Variants in OPHN1 observed in about 807,000 individuals in gnomAD.
OPHN1 encodes oligophrenin-1.
OPHN1 carries 11 observed loss-of-function variants against 60.7 expected under a neutral mutation model. The observed-to-expected ratio is 0.18, with a 90% confidence interval of 0.11 to 0.30. The LOEUF is 0.30. Ranked by LOEUF, OPHN1 falls within the 10% of genes least tolerant of loss-of-function variation. The probability of loss-of-function intolerance (pLI) is 1.00; values close to 1 mark genes in which losing one functional copy is unlikely to be tolerated. For missense variants in OPHN1, 449 were observed against 611.0 expected, an observed-to-expected ratio of 0.73 and a Z score of 2.80; for synonymous variants, 226 against 222.6, an observed-to-expected ratio of 1.02 and a Z score of -0.14.
chrX:68,057,776 T>G (rs1212952291), intron 21 of OPHN1, among the ~76,000 whole-genome samples: 2 of 111,620 alleles, frequency 1.8e-5, no homozygotes, highest in African/African-American at 6.5e-5. Context: ...AGCCACAGTA[T>G]CAAACTGGTG....
At chrX:68,236,218 T>C (rs2147526192) in intron 5 of OPHN1, among the ~76,000 whole-genome samples, 1 of 110,573 alleles carries the variant, frequency 9.0e-6, no homozygotes, top group East Asian at 2.9e-4. Flanking sequence ...ACACAGGAGG[T>C]AGACATTTTC....
chrX:68,316,459 T>C (rs1181421457), intron 2 of OPHN1, among the ~76,000 whole-genome samples: 1 of 112,200 alleles, frequency 8.9e-6, no homozygotes, highest in Non-Finnish European at 1.9e-5. Flanking sequence ...CTTGGTGGTT[T>C]AAAACAATAC....
intron 11 of OPHN1, among the ~76,000 whole-genome samples, chrX:68,198,263 T>G (rs1379655185): frequency 9.0e-6 from 1 of 110,830 alleles, no homozygotes; most frequent in Admixed American, 9.7e-5. Context: ...AAAGAGTAGG[T>G]TCATTCCCTT....
chrX:68,402,460 G>T (rs1002235467), intron 2 of OPHN1, among the ~76,000 whole-genome samples: 3 of 111,439 alleles, frequency 2.7e-5, no homozygotes, highest in Non-Finnish European at 5.7e-5. Flanking sequence ...CTTGCCAACT[G>T]GTAGGCTACA....
intron 18 of OPHN1, among the ~76,000 whole-genome samples, chrX:68,109,401 T>C (rs1480851574): frequency 8.9e-6 from 1 of 112,048 alleles, no homozygotes; most frequent in African/African-American, 3.2e-5. Flanking sequence ...ATATCACATT[T>C]TGTTTACCTA....
At chrX:68,200,468 G>C (rs1023663815) in intron 11 of OPHN1, among the ~76,000 whole-genome samples, 6 of 111,266 alleles carry the variant, frequency 5.4e-5, no homozygotes, top group African/African-American at 2.0e-4. Flanking sequence ...TGCAAAAAAG[G>C]GAAGCCACAG....
intron 5 of OPHN1, among the ~76,000 whole-genome samples, chrX:68,270,984 C>T (rs937149116): frequency 1.8e-5 from 2 of 110,911 alleles, no homozygotes; most frequent in Non-Finnish European, 3.8e-5. Flanking sequence ...ATAACTTTTG[C>T]AAGATTGTTC....
chrX:68,110,934 T>C (rs1173793960), intron 18 of OPHN1, among the ~76,000 whole-genome samples: 1 of 111,335 alleles, frequency 9.0e-6, no homozygotes, highest in Non-Finnish European at 1.9e-5. Context: ...CAGGATTTAT[T>C]ACAGGGGGAG....
intron 2 of OPHN1, among the ~76,000 whole-genome samples, chrX:68,328,760 A>G (rs1162188692): frequency 8.9e-6 from 1 of 112,042 alleles, no homozygotes; most frequent in African/African-American, 3.2e-5. Context: ...ATGGGCAAAT[A>G]CTACAAAAAT....
At chrX:68,402,803 T>A (rs2078722041) in intron 2 of OPHN1, among the ~76,000 whole-genome samples, 1 of 111,656 alleles carries the variant, frequency 9.0e-6, no homozygotes, top group African/African-American at 3.3e-5. Flanking sequence ...CCAAGACAGG[T>A]TCCACATATG....
intron 2 of OPHN1, among the ~76,000 whole-genome samples, chrX:68,348,403 CAAG>C (rs1246275296): frequency 9.0e-6 from 1 of 110,637 alleles, no homozygotes; most frequent in Non-Finnish European, 1.9e-5. Flanking sequence ...ACAGCCAGAG[CAAG>C]AAGACCATCA....
chrX:68,323,020 C>T (rs2078242886), intron 2 of OPHN1, among the ~76,000 whole-genome samples: 1 of 110,863 alleles, frequency 9.0e-6, no homozygotes, highest in Admixed American at 9.7e-5. Flanking sequence ...CATGTGGTGG[C>T]AAGGAAGTGT....
At chrX:68,244,937 A>C (rs1240277347) in intron 5 of OPHN1, among the ~76,000 whole-genome samples, 1 of 111,601 alleles carries the variant, frequency 9.0e-6, no homozygotes, top group African/African-American at 3.3e-5. Flanking sequence ...ATTGACTCTA[A>C]AGCCCTTACT....
chrX:68,137,444 A>G (rs1318169840), intron 15 of OPHN1, among the ~76,000 whole-genome samples: 1 of 112,049 alleles, frequency 8.9e-6, no homozygotes, highest in African/African-American at 3.2e-5. Flanking sequence ...ACATTGATGG[A>G]TAAAATATAT....
intron 15 of OPHN1, among the ~76,000 whole-genome samples, chrX:68,167,845 C>A (rs1259775065): frequency 1.8e-5 from 2 of 110,120 alleles, no homozygotes; most frequent in African/African-American, 6.6e-5. Flanking sequence ...AAGTATCCAT[C>A]AACAGATGAA....
At chrX:68,153,550 A>G (rs1167369717) in intron 15 of OPHN1, among the ~76,000 whole-genome samples, 1 of 112,038 alleles carries the variant, frequency 8.9e-6, no homozygotes, top group Non-Finnish European at 1.9e-5. Context: ...CCAGCCCCCA[A>G]GGAAAACCCT....
chrX:68,273,078 G>A (rs1465575555), intron 5 of OPHN1, among the ~76,000 whole-genome samples: 2 of 111,602 alleles, frequency 1.8e-5, no homozygotes, highest in Non-Finnish European at 3.8e-5. Context: ...AGCAGGTAGT[G>A]GGAGCTCAAC....
At chrX:68,133,026 C>T (rs2077204365) in intron 15 of OPHN1, 2 of 485,852 alleles carry the variant, frequency 4.1e-6, no homozygotes, top group South Asian at 2.6e-5. Flanking sequence ...CAGACCCTAC[C>T]GCCAACTCTG....
At chrX:68,408,650 T>C (rs1208214578) in intron 2 of OPHN1, among the ~76,000 whole-genome samples, 1 of 112,854 alleles carries the variant, frequency 8.9e-6, no homozygotes, top group Non-Finnish European at 1.9e-5. Flanking sequence ...CTGATGTGCA[T>C]GTTAAATCAC....
Sources: gnomAD v4.1 joint callset for allele counts (sites outside exome capture counted in the v4.1 genomes callset) on GRCh38, gnomAD v4.1.1 for gene constraint, MANE v1.5 for transcripts, NCBI Gene and HGNC (gene_info 2026-07-23, HGNC 2026-07-21) for gene names.